The following WDR7 variants were observed in gnomAD, a reference collection of about 807,000 sequenced individuals.
WDR7 encodes the protein WD repeat-containing protein 7.
A neutral mutation model predicts 169.4 loss-of-function variants in WDR7; 46 were observed. The observed-to-expected ratio is 0.27, with a 90% CI of 0.21 to 0.35. The LOEUF (loss-of-function observed/expected upper bound fraction) is 0.35, where lower values mean the gene tolerates loss of function less well. Ranked by LOEUF, WDR7 falls within the 10% of genes least tolerant of loss-of-function variation. The pLI, the probability that WDR7 is intolerant of heterozygous loss-of-function variation, is 1.00. For missense variants in WDR7, 1,534 were observed against 1,859.3 expected, an observed-to-expected ratio of 0.83 and a Z score of 3.22; for synonymous variants, 612 against 666.8, an observed-to-expected ratio of 0.92 and a Z score of 1.27.
intron 1 of WDR7, among the ~76,000 whole-genome samples, chr18:56,652,152 C>T (rs929423222): frequency 2.0e-5 from 3 of 152,144 alleles, no homozygotes; most frequent in African/African-American, 7.2e-5. Context: ...CAGCACTACC[C>T]TAACTTTGAT....
intron 26 of WDR7, among the ~76,000 whole-genome samples, chr18:57,000,848 ATTTTAAAAATATTTCTCTAAATTCTT>A (rs1234246341): frequency 6.6e-6 from 1 of 152,124 alleles, no homozygotes; most frequent in Non-Finnish European, 1.5e-5. Context: ...ATATTCTGGA[ATTTTAAAAATATTTCTCTAAATTCTT>A]TAGCTTTTCA....
chr18:56,968,643 C>T (rs570079768), intron 26 of WDR7, among the ~76,000 whole-genome samples: 12 of 152,266 alleles, frequency 7.9e-5, no homozygotes, highest in Admixed American at 6.5e-4. Flanking sequence ...ACTCTAATCC[C>T]GTATAGAGCA....
chr18:56,932,874 GGT>G (rs34838445), intron 22 of WDR7, among the ~76,000 whole-genome samples: 57,644 of 131,640 alleles, frequency 0.44, 12,071 homozygotes, highest in East Asian at 0.66. Flanking sequence ...CTTCATTCTG[GGT>G]GTGTGTGTGT....
At chr18:56,881,864 G>T (rs1238416595) in intron 21 of WDR7, among the ~76,000 whole-genome samples, 3 of 152,070 alleles carry the variant, frequency 2.0e-5, no homozygotes, top group African/African-American at 7.2e-5. Flanking sequence ...AGGATTACAG[G>T]CATGAGCCAC....
chr18:56,685,819 G>A, intron 5 of WDR7, 137 bp from the exon 6 acceptor site: 1 of 663,224 alleles, frequency 1.5e-6, no homozygotes, highest in South Asian at 2.0e-5. Flanking sequence ...TCTGTTTCAT[G>A]AAATAGAGAA....
At chr18:56,762,815 G>GT (rs913793480) in intron 16 of WDR7, among the ~76,000 whole-genome samples, 3 of 147,270 alleles carry the variant, frequency 2.0e-5, no homozygotes, top group Admixed American at 6.7e-5. Flanking sequence ...GTTTTGTTTT[G>GT]TTTTTTGTTT....
At chr18:56,901,166 A>G (rs1437074) in intron 21 of WDR7, among the ~76,000 whole-genome samples, 133,001 of 152,210 alleles carry the variant, frequency 0.87, 58,206 homozygotes, top group East Asian at 0.98. Context: ...TGGGGAGGCT[A>G]AGGCCGAAGG....
At chr18:57,021,095 T>C (rs2048283003) in intron 27 of WDR7, among the ~76,000 whole-genome samples, 1 of 152,172 alleles carries the variant, frequency 6.6e-6, no homozygotes, top group African/African-American at 2.4e-5. Context: ...GAAGTAGACA[T>C]ACATAAATAA....
At chr18:56,947,500 G>A (rs545953399) in intron 25 of WDR7, among the ~76,000 whole-genome samples, 2 of 152,200 alleles carry the variant, frequency 1.3e-5, no homozygotes, top group South Asian at 4.1e-4. Context: ...CTCCTTTCAA[G>A]GCTTGGGAGG....
intron 12 of WDR7, among the ~76,000 whole-genome samples, chr18:56,709,820 C>T (rs1000010219): frequency 3.3e-5 from 5 of 151,836 alleles, no homozygotes; most frequent in Admixed American, 2.6e-4. Context: ...GTTTTAGTCC[C>T]CTTTTATTTT....
At chr18:57,005,589 A>G (rs1466792407) in intron 26 of WDR7, among the ~76,000 whole-genome samples, 1 of 152,192 alleles carries the variant, frequency 6.6e-6, no homozygotes, top group Non-Finnish European at 1.5e-5. Context: ...ATGAGTAAGT[A>G]TATTTGGGTA....
intron 15 of WDR7, among the ~76,000 whole-genome samples, chr18:56,758,415 G>A (rs1411280380): frequency 6.6e-6 from 1 of 152,162 alleles, no homozygotes; most frequent in African/African-American, 2.4e-5. Flanking sequence ...GCTAGTAAGT[G>A]GTAGTGTCAG....
chr18:56,731,969 C>G (rs2026597386), intron 14 of WDR7, among the ~76,000 whole-genome samples: 1 of 152,074 alleles, frequency 6.6e-6, no homozygotes, highest in Non-Finnish European at 1.5e-5. Flanking sequence ...ATTAAGATGT[C>G]TGTAATTGTG....
intron 19 of WDR7, among the ~76,000 whole-genome samples, chr18:56,806,503 G>A (rs2044775902): frequency 6.6e-6 from 1 of 152,060 alleles, no homozygotes; most frequent in Admixed American, 6.6e-5. Flanking sequence ...GGTAAGGATG[G>A]GGAGGGTAGA....
chr18:56,686,104 C>G (rs936249192), intron 6 of WDR7, 72 bp downstream of exon 6: 1 of 1,254,974 alleles, frequency 8.0e-7, no homozygotes, highest in African/African-American at 1.6e-5. Flanking sequence ...TAATGATATG[C>G]CCCTTCCATT....
intron 20 of WDR7, among the ~76,000 whole-genome samples, chr18:56,831,896 C>G (rs2045315470): frequency 6.6e-6 from 1 of 152,142 alleles, no homozygotes; most frequent in Non-Finnish European, 1.5e-5. Flanking sequence ...GTTTCAAGCA[C>G]AAAACTGGGT....
At chr18:56,690,295 G>A (rs2144613606) in intron 7 of WDR7, among the ~76,000 whole-genome samples, 1 of 152,270 alleles carries the variant, frequency 6.6e-6, no homozygotes, top group Admixed American at 6.5e-5. Context: ...TAATTGTAAA[G>A]GTACTTTGTA....
At chr18:56,868,844 C>T (rs1016952093) in intron 20 of WDR7, among the ~76,000 whole-genome samples, 6 of 152,066 alleles carry the variant, frequency 3.9e-5, no homozygotes, top group South Asian at 2.1e-4. Context: ...AAAAGTTAGA[C>T]GTTTTTGGAG....
At chr18:56,886,049 A>C (rs555222561) in intron 21 of WDR7, among the ~76,000 whole-genome samples, 1 of 152,206 alleles carries the variant, frequency 6.6e-6, no homozygotes, top group Non-Finnish European at 1.5e-5. Flanking sequence ...AAAGTTTGGA[A>C]AACATATTTG....
Sources: allele counts gnomAD v4.1 joint callset (sites outside exome capture counted in the v4.1 genomes callset), GRCh38; gene constraint gnomAD v4.1.1; transcripts MANE v1.5; gene names NCBI Gene and HGNC (gene_info 2026-07-23, HGNC 2026-07-21).